Variants in BMP2K observed in about 807,000 individuals in gnomAD.
The protein encoded by BMP2K is BMP-2-inducible protein kinase.
BMP2K carries 74 observed loss-of-function variants against 116.0 expected under a neutral mutation model. The ratio of observed to expected loss-of-function variants is 0.64; its 90% CI spans 0.53 to 0.77. The LOEUF is 0.77. Ranked by LOEUF, BMP2K falls within the 30% of genes least tolerant of loss-of-function variation. The pLI, the probability that BMP2K is intolerant of heterozygous loss-of-function variation, is 0.00. For synonymous variants in BMP2K, 486 were observed against 502.5 expected (o/e 0.97, Z 0.44); for missense variants, 1,365 against 1,403.6 (o/e 0.97, Z 0.44).
Position 78,829,771 on chromosome 4 carries a change from T to TC in BMP2K, c.297+3616_297+3617insC. Among the ~76,000 whole-genome samples, 8 of 108,326 alleles carry TC rather than the reference T, an allele frequency of 7.4e-5. 1 individual carries two copies. Among genetic ancestry groups the TC allele is most frequent in the African/African-American group, 3.9e-4 (8 of 20,606 alleles). The allele number at this position is 108,326 out of a possible 152,430, so 71.1% of individuals were successfully genotyped here. ...GGAAACAATCTTTTCTTTTCTTTTC[T>TC]TTTCTTTTCTTTTCTTTTCTCTTCT... On this transcript the variant is annotated intron_variant, in intron 2 of 15. Coordinates refer to ENST00000502613, the MANE Select transcript of BMP2K (RefSeq NM_198892.2).
intron 12 of BMP2K, 133 bp downstream of exon 12, chr4:78,872,081 A>G (rs1732386097): frequency 1.5e-6 from 1 of 678,378 alleles, no homozygotes; most frequent in Non-Finnish European, 2.4e-6. Context: ...TATCAAAGCC[A>G]GTCATATATT....
intron 7 of BMP2K, among the ~76,000 whole-genome samples, chr4:78,856,416 C>T (rs901200039): frequency 6.6e-6 from 1 of 152,080 alleles, no homozygotes; most frequent in Non-Finnish European, 1.5e-5. Flanking sequence ...AGATTACATC[C>T]TTCAGTAATC....
intron 5 of BMP2K, 106 bp downstream of exon 5, chr4:78,845,155 C>T: frequency 1.0e-6 from 1 of 996,246 alleles, no homozygotes; most frequent in Admixed American, 3.1e-5. Context: ...TTATAGATTT[C>T]TTTGAAATAT....
intron 7 of BMP2K, among the ~76,000 whole-genome samples, chr4:78,858,169 G>A (rs959552366): frequency 1.3e-4 from 19 of 151,866 alleles, no homozygotes; most frequent in Non-Finnish European, 1.0e-4. Context: ...GGTAGGTTTC[G>A]TGTGATTTGT....
Position 78,898,197 on chromosome 4 carries a change from C to T in BMP2K, c.2062+10913C>T, listed in dbSNP as rs571949419. Reference sequence around the variant, plus strand: ...CAGTATTAGGTTTGGTAAACTTCCTCAACGCTCCCAAAGACCCTAGACCCA... The same window carrying T: ...CAGTATTAGGTTTGGTAAACTTCCTTAACGCTCCCAAAGACCCTAGACCCA... On this transcript the variant is annotated intron_variant, in intron 15 of 15. Coordinates refer to ENST00000502613, the MANE Select transcript of BMP2K (RefSeq NM_198892.2). Among the ~76,000 whole-genome samples, 4 of 152,286 alleles carry T rather than the reference C, an allele frequency of 2.6e-5. No individual in the cohort carries two copies. The South Asian group carries it at 6.2e-4, about 24-fold the overall frequency.
chr4:78,791,409 T>C (rs564116464), intron 1 of BMP2K, among the ~76,000 whole-genome samples: 1 of 152,346 alleles, frequency 6.6e-6, no homozygotes, highest in East Asian at 1.9e-4. Flanking sequence ...TTCATTACTC[T>C]TGGCCCTTGA....
At chr4:78,863,672 G>A (rs940949921) in intron 9 of BMP2K, among the ~76,000 whole-genome samples, 5 of 152,122 alleles carry the variant, frequency 3.3e-5, no homozygotes, top group African/African-American at 1.2e-4. Context: ...TTGTAATAGT[G>A]AAAATGAGAC....
rs1335210713 is a variant in BMP2K, at chr4:78,776,654, G to C, written c.111G>C (p.Ser37=). 3 of 1,229,082 alleles carry C rather than the reference G, an allele frequency of 2.4e-6. No homozygotes were observed. The highest frequency in any genetic ancestry group is 3.1e-6 in the Non-Finnish European group (3 of 981,974). 76.1% of individuals were successfully genotyped at this position (1,229,082 alleles called of 1,614,324 possible). A position where few individuals can be genotyped will look rare whatever the true frequency, so the allele number is the denominator to read the frequency against. The stretch of plus-strand genomic sequence containing the variant: ...GGGCCGGCTGCGGCTCCGGCGGCTC[G>C]TCCGTGGGGGTCCGGGTGTTCGCGG... ...GAGAGCGSGG[S]SVGVRVFAVG... The change falls in exon 1 of 16, where the codon TCG becomes TCC. Residue 37 remains serine (S), a synonymous_variant. Transcript: ENST00000502613.
rs1240829491 is a variant in BMP2K at position 78,878,771 on chromosome 4, A to C, written c.1831A>C (p.Asn611His). Reference sequence around the variant, plus strand: ...TAAAGAGGCCATTGCAAATTTCACAAATCAGAAGAACATCAGCAATCCACC... The same window carrying C: ...TAAAGAGGCCATTGCAAATTTCACACATCAGAAGAACATCAGCAATCCACC... The part of the protein sequence containing the change: ...ADKEAIANFT[N>H]QKNISNPPDM... Residue 611 changes from asparagine to histidine, a missense_variant, in exon 14 of 16, where the codon AAT (asparagine) becomes CAT (histidine). Coordinates refer to ENST00000502613, the MANE Select transcript of BMP2K (RefSeq NM_198892.2). The C allele has an allele frequency of 6.2e-7, 1 of 1,612,736 alleles. No homozygotes were observed. The highest frequency in any genetic ancestry group is 1.3e-5 in the African/African-American group (1 of 74,982).
chr4:78,803,535 C>T (rs1699509763), intron 1 of BMP2K, among the ~76,000 whole-genome samples: 1 of 151,938 alleles, frequency 6.6e-6, no homozygotes, highest in African/African-American at 2.4e-5. Context: ...TGTACCACCA[C>T]TCCCTGCACA....
At chr4:78,901,925 G>A (rs190393195) in intron 15 of BMP2K, among the ~76,000 whole-genome samples, 2 of 152,114 alleles carry the variant, frequency 1.3e-5, no homozygotes, top group Non-Finnish European at 2.9e-5. Flanking sequence ...GACCCACCTC[G>A]TGGGCTTTAT....
intron 1 of BMP2K, among the ~76,000 whole-genome samples, chr4:78,791,458 T>C (rs1311886030): frequency 1.3e-5 from 2 of 152,182 alleles, no homozygotes; most frequent in East Asian, 1.9e-4. Flanking sequence ...TTGCAAAATA[T>C]GCATAAGATT....
intron 14 of BMP2K, among the ~76,000 whole-genome samples, chr4:78,886,723 AAGT>A (rs1285657305): frequency 3.3e-5 from 5 of 152,154 alleles, no homozygotes; most frequent in Non-Finnish European, 5.9e-5. Context: ...AAGAACAAAA[AAGT>A]AAGATATAGT....
chr4:78,777,717 C>T (rs1172680963), intron 1 of BMP2K, among the ~76,000 whole-genome samples: 2 of 152,182 alleles, frequency 1.3e-5, no homozygotes, highest in Admixed American at 1.3e-4. Context: ...GGATTCAGTT[C>T]TCCGAGCGTT....
chr4:78,897,353 G>T (rs923274577), intron 15 of BMP2K, among the ~76,000 whole-genome samples: 3 of 151,926 alleles, frequency 2.0e-5, no homozygotes, highest in Admixed American at 6.6e-5. Flanking sequence ...TTAAATTATG[G>T]CTTATTTAGT....
chr4:78,873,978 G>C (rs1732512652), intron 13 of BMP2K, among the ~76,000 whole-genome samples: 1 of 152,092 alleles, frequency 6.6e-6, no homozygotes, highest in African/African-American at 2.4e-5. Flanking sequence ...AGGAGATCAA[G>C]ACCATCCTAG....
chr4:78,875,779 A>T (rs375896354), intron 13 of BMP2K, among the ~76,000 whole-genome samples: 1 of 152,232 alleles, frequency 6.6e-6, no homozygotes, highest in Non-Finnish European at 1.5e-5. Context: ...CCCCTGCCAC[A>T]TGGATTTCTT....
intron 15 of BMP2K, among the ~76,000 whole-genome samples, chr4:78,894,261 T>C (rs1008397588): frequency 1.3e-5 from 2 of 152,250 alleles, no homozygotes; most frequent in African/African-American, 4.8e-5. Context: ...TTTGAATCTT[T>C]GAAGCCAGAC....
At chr4:78,850,820 G>A in intron 6 of BMP2K, 104 bp from the exon 7 acceptor site, 2 of 1,104,454 alleles carry the variant, frequency 1.8e-6, no homozygotes, top group Non-Finnish European at 2.6e-6. Context: ...AAAGATTGCT[G>A]CAGTATAGAA....
Sources: gnomAD v4.1 joint callset for allele counts (sites outside exome capture counted in the v4.1 genomes callset) on GRCh38, gnomAD v4.1.1 for gene constraint, MANE v1.5 for transcripts, NCBI Gene and HGNC (gene_info 2026-07-23, HGNC 2026-07-21) for gene names.